The following ZFR2 variants were observed in gnomAD, a reference collection of about 807,000 sequenced individuals.
ZFR2 encodes zinc finger RNA-binding protein 2.
ZFR2 carries 104 observed loss-of-function variants against 105.7 expected under a neutral mutation model. That is an observed-to-expected ratio of 0.98 (90% CI 0.84 to 1.16). The LOEUF is 1.16. ZFR2 is among the 50% of genes most tolerant of loss of function. ZFR2 has a pLI of 0.00. For missense variants in ZFR2, 1,425 were observed against 1,355.5 expected (o/e 1.05, Z -0.80); for synonymous variants, 634 against 597.7 (o/e 1.06, Z -0.89).
rs1332598812 is a variant in ZFR2, at chr19:3,825,327, T to C, written c.1116A>G (p.Ala372=). 1.3e-6 allele frequency: 2 copies of C among 1,586,120 alleles called. No homozygotes were observed. Residue 372 remains alanine, a synonymous_variant, in exon 7 of 19, where the codon GCA becomes GCG. Transcript: ENST00000262961. ...CAGTGGGGGACGTGGGCTTGGCCTC[T>C]GCCCCGGGGGGGCTCTCTGTGGCCA... ...PALATESPPG[A]EAKPTSPTGP...
chr19:3,844,787 G>C (rs764329172), intron 1 of ZFR2, among the ~76,000 whole-genome samples: 24 of 152,178 alleles, frequency 1.6e-4, no homozygotes, highest in Admixed American at 4.6e-4. Flanking sequence ...AGCAGAGAAC[G>C]AGGCCTGGTA....
rs111848850 is a variant in ZFR2, at chr19:3,856,754, G to A, written c.53+12211C>T. Among the ~76,000 whole-genome samples the A allele has an allele frequency of 3.4e-3, 519 of 152,254 alleles. 2 individuals carry two copies. The highest frequency in any genetic ancestry group is 0.012 in the African/African-American group (503 of 41,548). ...CAGAGTTTCCTTTATTTTTGGAGACGGAGTCTTGCTCTGTCGCCCAGGCTG... is the reference window on the plus strand; with the variant it reads ...CAGAGTTTCCTTTATTTTTGGAGACAGAGTCTTGCTCTGTCGCCCAGGCTG... On this transcript the variant is annotated intron_variant, in intron 1 of 18. Transcript: ENST00000262961.
intron 18 of ZFR2, 30 bp from the exon 19 acceptor site, chr19:3,806,155 C>G: frequency 2.9e-6 from 4 of 1,401,834 alleles, no homozygotes; most frequent in Non-Finnish European, 3.7e-6. Context: ...TGTCAGGACC[C>G]CCGCCCGCTC....
intron 1 of ZFR2, among the ~76,000 whole-genome samples, chr19:3,865,628 AGCGACAGGCATGAGCCACCAT>A (rs1460129960): frequency 6.6e-6 from 1 of 152,074 alleles, no homozygotes; most frequent in Admixed American, 6.5e-5. Flanking sequence ...AAAGTGCTGG[AGCGACAGGCATGAGCCACCAT>A]GCCTGGCCTG....
intron 8 of ZFR2, among the ~76,000 whole-genome samples, chr19:3,822,440 G>A (rs1236502325): frequency 6.6e-6 from 1 of 151,370 alleles, no homozygotes; most frequent in East Asian, 2.0e-4. Flanking sequence ...AGCCTCCCGA[G>A]TAGCTGGGAC....
chr19:3,844,296 T>A (rs1251748280), intron 1 of ZFR2, among the ~76,000 whole-genome samples: 1 of 152,138 alleles, frequency 6.6e-6, no homozygotes, highest in Non-Finnish European at 1.5e-5. Flanking sequence ...TTTTTAATGT[T>A]AATAGAAATT....
intron 16 of ZFR2, among the ~76,000 whole-genome samples, 167 bp downstream of exon 16, chr19:3,810,583 G>A (rs577343809): frequency 6.6e-5 from 10 of 152,374 alleles, no homozygotes; most frequent in Non-Finnish European, 1.0e-4. Flanking sequence ...GGAGAGGGCC[G>A]TCTCCCCCGC....
chr19:3,813,412 G>C lies in ZFR2; in HGVS notation c.2242+408C>G, dbSNP rs1340717618. Among the ~76,000 whole-genome samples, 1 of 152,132 alleles carries C rather than the reference G, an allele frequency of 6.6e-6. No individual in the cohort carries two copies. The highest frequency in any genetic ancestry group is 2.4e-5 in the African/African-American group (1 of 41,428). On this transcript the variant is annotated intron_variant, in intron 14 of 18. Coordinates refer to ENST00000262961, the MANE Select transcript of ZFR2 (RefSeq NM_015174.2). The surrounding 1 kb of genome is among the most constrained non-coding windows in gnomAD (Gnocchi z 4.4). ...CTACATTCCTAATCAGTGGCACTGG[G>C]ACTGTGGTGACTGATGGACAGAGTC... is the stretch of plus-strand genomic sequence containing the variant.
At chr19:3,833,844 A>T in intron 2 of ZFR2, 66 bp from the exon 3 acceptor site, 1 of 1,265,076 alleles carries the variant, frequency 7.9e-7, no homozygotes, top group Non-Finnish European at 1.1e-6. Flanking sequence ...GGTGGGTGCG[A>T]CGCGCCCTGC....
In ZFR2 at chr19:3,811,497, C is replaced by A. The variant is rs979971701; in HGVS notation, c.2243-131G>T. On this transcript the variant is annotated intron_variant, in intron 14 of 18. Coordinates refer to ENST00000262961, the MANE Select transcript of ZFR2 (RefSeq NM_015174.2). ...TGAGACACAGTTTCACTGTGTCACCCAGGCTGGAGTGCAGTGGCATGATCT... is the reference window on the plus strand; with the variant it reads ...TGAGACACAGTTTCACTGTGTCACCAAGGCTGGAGTGCAGTGGCATGATCT... 4 of 785,286 alleles carry A rather than the reference C, an allele frequency of 5.1e-6. No individual in the cohort carries two copies. In the African/African-American group the frequency reaches 5.3e-5, roughly 10 times the overall value. 48.6% of individuals were successfully genotyped at this position (785,286 alleles called of 1,614,324 possible). A position where few individuals can be genotyped will look rare whatever the true frequency, so the allele number is the denominator to read the frequency against.
chr19:3,843,311 A>T (rs2038152884), intron 1 of ZFR2, among the ~76,000 whole-genome samples: 1 of 151,610 alleles, frequency 6.6e-6, no homozygotes, highest in Non-Finnish European at 1.5e-5. Flanking sequence ...TCTCTACTAA[A>T]AATACAAAAA....
intron 1 of ZFR2, among the ~76,000 whole-genome samples, chr19:3,846,070 A>C (rs1302232561): frequency 6.6e-6 from 1 of 152,204 alleles, no homozygotes. Context: ...TCTGCCCCCC[A>C]GGTTCAAGTG....
intron 6 of ZFR2, 104 bp from the exon 7 acceptor site, chr19:3,825,511 G>T: frequency 7.1e-7 from 1 of 1,417,474 alleles, no homozygotes; most frequent in East Asian, 2.6e-5. Flanking sequence ...GCGAGTGTGG[G>T]CTGGCCGGTC....
chr19:3,807,787 T>C (rs1253170999), intron 17 of ZFR2, among the ~76,000 whole-genome samples: 1 of 148,816 alleles, frequency 6.7e-6, no homozygotes, highest in African/African-American at 2.5e-5. Context: ...CGTATGCATG[T>C]GCGCCTGTGT....
Position 3,831,348 on chromosome 19 carries a change from C to T in ZFR2, c.807G>A (p.Gln269=). The change falls in exon 5 of 19, where the codon CAG becomes CAA. Residue 269 remains glutamine, a synonymous_variant. Coordinates refer to ENST00000262961, the MANE Select transcript of ZFR2 (RefSeq NM_015174.2). ...TCTTGCAGATGTCGCAGTAGTGAAG[C>T]TGGAGCTGCCTGGGCCCCGCCTTGG... The part of the protein sequence containing the change: ...PRPKAGPRQL[Q]LHYCDICKIS... 3 of 1,556,990 alleles carry T rather than the reference C, an allele frequency of 1.9e-6. No homozygotes were observed. The highest frequency in any genetic ancestry group is 2.6e-6 in the Non-Finnish European group (3 of 1,152,496).
Position 3,823,349 on chromosome 19 carries a change from T to G in ZFR2, c.1268A>C (p.Gln423Pro). ...GCRPQWGKPA[Q>P]PKLEGPGAPT... ...TGCTCCGGGACCCTCTAATTTAGGTTGGGCTGGTTTCCCCCACTGGGGTCT... is the reference window on the plus strand; with the variant it reads ...TGCTCCGGGACCCTCTAATTTAGGTGGGGCTGGTTTCCCCCACTGGGGTCT... The change falls in exon 8 of 19, where the codon CAA becomes CCA. Residue 423 changes from glutamine to proline, a missense_variant. Physicochemically the swap from Gln to Pro is moderately conservative, Grantham distance 76 (BLOSUM62 -1). Transcript: ENST00000262961. This position sits in a 1 kb window ranked among gnomAD's most constrained non-coding sequence, Gnocchi z 5.4. The G allele has an allele frequency of 6.2e-7, 1 of 1,613,856 alleles. No individual in the cohort carries two copies. Among genetic ancestry groups the G allele is most frequent in the Non-Finnish European group, 8.5e-7 (1 of 1,179,802 alleles).
chr19:3,827,736 G>T (rs62132979), intron 5 of ZFR2, 83 bp from the exon 6 acceptor site: 228,119 of 1,492,162 alleles, frequency 0.15, 18,720 homozygotes, highest in East Asian at 0.29. Flanking sequence ...CCGGCTTAGC[G>T]CGAGGGAACT....
chr19:3,825,606 C>T (rs1312686379), intron 6 of ZFR2, among the ~76,000 whole-genome samples, 199 bp from the exon 7 acceptor site: 1 of 152,198 alleles, frequency 6.6e-6, no homozygotes, highest in East Asian at 1.9e-4. Flanking sequence ...TCCTGCCTTG[C>T]ACACGTGCTT....
chr19:3,855,151 C>T (rs2038282839), intron 1 of ZFR2, among the ~76,000 whole-genome samples: 1 of 152,212 alleles, frequency 6.6e-6, no homozygotes, highest in Non-Finnish European at 1.5e-5. Context: ...CACCCTTGGC[C>T]TCCCAAAGTG....
Sources: allele counts gnomAD v4.1 joint callset (sites outside exome capture counted in the v4.1 genomes callset), GRCh38; gene constraint gnomAD v4.1.1; non-coding constraint Gnocchi (gnomAD v3.1); transcripts MANE v1.5; gene names NCBI Gene and HGNC (gene_info 2026-07-23, HGNC 2026-07-21).